XXYLT1: variants seen among roughly 807,000 people sequenced by gnomAD.
XXYLT1 encodes the protein xyloside xylosyltransferase 1, also known as UDP-xylose:alpha-xyloside alpha-1,3-xylosyltransferase.
In XXYLT1, 20 loss-of-function variants were observed where a neutral mutation model predicts 28.9. The ratio of observed to expected loss-of-function variants is 0.69; its 90% CI spans 0.49 to 1.00. XXYLT1 has a LOEUF of 1.00. Among genes scored for constraint, XXYLT1 ranks in the 50% least tolerant of loss-of-function variants. The pLI is 0.00. For synonymous variants in XXYLT1, 257 were observed against 253.8 expected (o/e 1.01, Z -0.12); for missense variants, 542 against 560.1 (o/e 0.97, Z 0.33).
At chr3:195,102,038 A>AGAGGAACG (rs1289995489) in intron 3 of XXYLT1, among the ~76,000 whole-genome samples, 3 of 112,064 alleles carry the variant, frequency 2.7e-5, no homozygotes, top group Admixed American at 1.1e-4. Context: ...GAAGAGAGAA[A>AGAGGAACG]GAGGAAGGGA....
At chr3:195,138,747 T>C (rs1201513921) in intron 3 of XXYLT1, among the ~76,000 whole-genome samples, 1 of 149,496 alleles carries the variant, frequency 6.7e-6, no homozygotes, top group Non-Finnish European at 1.5e-5. Context: ...CCCAGCTACT[T>C]GGGAGGCTGA....
intron 3 of XXYLT1, among the ~76,000 whole-genome samples, chr3:195,131,044 T>A (rs1322689587): frequency 2.6e-5 from 4 of 151,860 alleles, no homozygotes; most frequent in Non-Finnish European, 5.9e-5. Flanking sequence ...CCTCCTTCAA[T>A]GTATCCCTCG....
intron 1 of XXYLT1, among the ~76,000 whole-genome samples, chr3:195,269,065 A>C (rs1278840232): frequency 1.3e-5 from 2 of 152,250 alleles, no homozygotes; most frequent in Admixed American, 1.3e-4. Flanking sequence ...GAATGACAAA[A>C]GCAAAGGCAA....
At chr3:195,100,874 T>C (rs1716738824) in intron 3 of XXYLT1, among the ~76,000 whole-genome samples, 1 of 152,276 alleles carries the variant, frequency 6.6e-6, no homozygotes, top group South Asian at 2.1e-4. Flanking sequence ...TTATATCGGA[T>C]ATCCCTGCTG....
At chr3:195,103,235 G>A (rs754719731) in intron 3 of XXYLT1, among the ~76,000 whole-genome samples, 11 of 152,216 alleles carry the variant, frequency 7.2e-5, no homozygotes, top group Non-Finnish European at 1.5e-4. Flanking sequence ...ATGAGGCTGG[G>A]CCTAGTTTAG....
intron 3 of XXYLT1, among the ~76,000 whole-genome samples, chr3:195,088,086 A>C (rs1160406194): frequency 6.6e-6 from 1 of 152,004 alleles, no homozygotes; most frequent in Non-Finnish European, 1.5e-5. Context: ...ATCAAACTGC[A>C]AGGTGGCAGC....
chr3:195,098,249 A>G (rs1716561002), intron 3 of XXYLT1, among the ~76,000 whole-genome samples: 1 of 152,214 alleles, frequency 6.6e-6, no homozygotes, highest in Non-Finnish European at 1.5e-5. Flanking sequence ...CAGTGACTGT[A>G]CACTTCAAAA....
intron 3 of XXYLT1, among the ~76,000 whole-genome samples, chr3:195,099,943 T>C (rs1716683357): frequency 6.6e-6 from 1 of 152,090 alleles, no homozygotes; most frequent in African/African-American, 2.4e-5. Context: ...TTGGGATCTG[T>C]TTCTCACTGG....
chr3:195,208,136 G>A (rs542465424), intron 2 of XXYLT1, among the ~76,000 whole-genome samples: 1 of 152,324 alleles, frequency 6.6e-6, no homozygotes, highest in South Asian at 2.1e-4. Flanking sequence ...GATGACCGGG[G>A]GCCGTGTTAG....
Position 195,265,486 on chromosome 3 carries a change from A to G in XXYLT1, c.504+5069T>C, listed in dbSNP as rs1398769290. On this transcript the variant is annotated intron_variant, in intron 1 of 3. Coordinates refer to ENST00000310380, the MANE Select transcript of XXYLT1 (RefSeq NM_152531.5). Reference sequence around the variant, plus strand: ...CTGAACAGTTAAGATTTGAGCTGATAGCACAAGGCAAATACCACAAAGAAG... The same window carrying G: ...CTGAACAGTTAAGATTTGAGCTGATGGCACAAGGCAAATACCACAAAGAAG... 1.3e-4 allele frequency among the ~76,000 whole-genome samples: 20 copies of G among 152,366 alleles called. No homozygotes were observed. In the East Asian group the frequency reaches 2.3e-3, roughly 18 times the overall value.
intron 2 of XXYLT1, among the ~76,000 whole-genome samples, chr3:195,188,649 C>T (rs1271901133): frequency 2.0e-5 from 3 of 152,204 alleles, no homozygotes; most frequent in Non-Finnish European, 4.4e-5. Context: ...GAGCCAAGAA[C>T]CCTCTTGGGC....
At chr3:195,194,369 T>C (rs1228979723) in intron 2 of XXYLT1, among the ~76,000 whole-genome samples, 1 of 152,092 alleles carries the variant, frequency 6.6e-6, no homozygotes, top group African/African-American at 2.4e-5. Context: ...TTAAATGAGA[T>C]ACCTTTATAC....
At chr3:195,264,770 A>G (rs1725790430) in intron 1 of XXYLT1, among the ~76,000 whole-genome samples, 1 of 152,206 alleles carries the variant, frequency 6.6e-6, no homozygotes, top group Non-Finnish European at 1.5e-5. Flanking sequence ...TACATGCTAT[A>G]AAAGACATGC....
chr3:195,113,063 G>C (rs1717865054), intron 3 of XXYLT1, among the ~76,000 whole-genome samples: 1 of 152,180 alleles, frequency 6.6e-6, no homozygotes, highest in South Asian at 2.1e-4. Flanking sequence ...TCCCAGATAG[G>C]AACATTAATC....
At chr3:195,104,451 G>C (rs541922533) in intron 3 of XXYLT1, among the ~76,000 whole-genome samples, 62 of 152,274 alleles carry the variant, frequency 4.1e-4, no homozygotes, top group Non-Finnish European at 5.6e-4. Flanking sequence ...TTGCGGGGAG[G>C]GGGTGGGGCA....
intron 3 of XXYLT1, among the ~76,000 whole-genome samples, chr3:195,089,541 G>A (rs1351098718): frequency 3.3e-4 from 50 of 152,090 alleles, no homozygotes; most frequent in Non-Finnish European, 6.0e-4. Flanking sequence ...AAACATGGAA[G>A]GGAACAACCG....
At chr3:195,198,014 G>T (rs950605225) in intron 2 of XXYLT1, among the ~76,000 whole-genome samples, 4 of 152,188 alleles carry the variant, frequency 2.6e-5, no homozygotes, top group Non-Finnish European at 5.9e-5. Context: ...TTCACCCTCG[G>T]CTCTCCCCTA....
At position 195,146,028 on chromosome 3, in the gene XXYLT1, T is replaced by G. The variant is rs1380103753; in HGVS notation, c.785+10421A>C. 3.9e-5 allele frequency among the ~76,000 whole-genome samples: 6 copies of G among 152,324 alleles called. No individual in the cohort carries two copies. The East Asian group carries it at 1.2e-3, about 29-fold the overall frequency. On this transcript the variant is annotated intron_variant, in intron 3 of 3. Coordinates refer to ENST00000310380, the MANE Select transcript of XXYLT1 (RefSeq NM_152531.5). ...CAACCCCAGGCTCAGATTAAAAGTT[T>G]GATATTTCTATAAGAGCCAATTCTG...
intron 3 of XXYLT1, among the ~76,000 whole-genome samples, chr3:195,086,259 A>G (rs1395500398): frequency 6.6e-6 from 1 of 152,210 alleles, no homozygotes; most frequent in East Asian, 1.9e-4. Context: ...TCCTTCTGAC[A>G]GGCCAGCTCA....
Sources: allele counts gnomAD v4.1 joint callset (sites outside exome capture counted in the v4.1 genomes callset), GRCh38; gene constraint gnomAD v4.1.1; transcripts MANE v1.5; gene names NCBI Gene and HGNC (gene_info 2026-07-23, HGNC 2026-07-21).